The following AGXT variants were observed in gnomAD, a reference collection of about 807,000 sequenced individuals.
AGXT encodes alanine--glyoxylate aminotransferase.
A neutral mutation model predicts 46.9 loss-of-function variants in AGXT; 41 were observed. The ratio of observed to expected loss-of-function variants is 0.88; its 90% CI spans 0.68 to 1.14. The LOEUF (loss-of-function observed/expected upper bound fraction) is 1.14, where lower values mean the gene tolerates loss of function less well. Ranked by LOEUF, AGXT falls within the 50% of genes most tolerant of loss-of-function variation. The probability of loss-of-function intolerance (pLI) is 0.00; values close to 1 mark genes in which losing one functional copy is unlikely to be tolerated. For synonymous variants in AGXT, 244 were observed against 227.9 expected, an observed-to-expected ratio of 1.07 and a Z score of -0.64; for missense variants, 525 against 522.7, an observed-to-expected ratio of 1.00 and a Z score of -0.04.
In AGXT at chr2:240,871,458, G is replaced by T. The variant is rs2106428669; in HGVS notation, c.524+9G>T. The T allele has an allele frequency of 6.4e-7, 1 of 1,569,436 alleles. No homozygotes were observed. The highest frequency in any genetic ancestry group is 1.7e-4 in the Middle Eastern group (1 of 5,932). On this transcript the variant is annotated intron_variant, in intron 4 of 10. Transcript: ENST00000307503. ...GGGGAACTCTGCCACAGGTGAGCCT[G>T]GCCCCAGGGCGGTGGACTGGAGCAC...
At position 240,879,940 on chromosome 2, in the gene AGXT, C is replaced by T. The variant is rs977661321; in HGVS notation, c.*1119C>T. The T allele has an allele frequency of 1.3e-5, 2 of 151,530 alleles. No homozygotes were observed. The highest frequency in any genetic ancestry group is 4.9e-5 in the African/African-American group (2 of 40,998). 9.4% of individuals were successfully genotyped at this position (151,530 alleles called of 1,614,324 possible). ...GTGTCTTTGTTGCTGAGTGCCGTCC[C>T]GTCATATGGACGTGCGTCGTGGGCG... On this transcript the variant is annotated 3_prime_UTR_variant, in exon 11 of 11. Coordinates refer to ENST00000307503, the MANE Select transcript of AGXT (RefSeq NM_000030.3).
Position 240,877,537 on chromosome 2 carries a change from G to A in AGXT, c.847G>A (p.Gly283Ser). Residue 283 changes from glycine (G) to serine (S), a missense_variant and splice_region_variant, in exon 9 of 11, where the codon GGC (glycine) becomes AGC (serine). By Grantham distance (56) the Gly-to-Ser change is moderately conservative. Transcript: ENST00000307503. ...CCCACCAGCGCCATCTCCCACACAG[G>A]GCCTGGAGAACAGCTGGCGCCAGCA... ...RESLALIAEQ[G>S]LENSWRQHRE... 6.5e-7 allele frequency: 1 copy of A among 1,548,166 alleles called. No homozygotes were observed. Among genetic ancestry groups the A allele is most frequent in the South Asian group, 1.2e-5 (1 of 83,706 alleles).
At chr2:240,869,492 G>A (rs1575707599) in intron 2 of AGXT, 130 bp downstream of exon 2, 5 of 1,125,386 alleles carry the variant, frequency 4.4e-6, no homozygotes, top group Non-Finnish European at 3.7e-6. Flanking sequence ...CTGTGCGCAC[G>A]AACCTCCTGC....
At chr2:240,873,581 A>G in intron 5 of AGXT, 1 of 296,604 alleles carries the variant, frequency 3.4e-6, no homozygotes, top group Non-Finnish European at 6.4e-6. Context: ...CTGCCCACCC[A>G]CTCCATGGGA....
intron 10 of AGXT, 77 bp from the exon 11 acceptor site, chr2:240,878,637 G>C: frequency 7.1e-7 from 1 of 1,400,596 alleles, no homozygotes; most frequent in South Asian, 1.2e-5. Flanking sequence ...AGCCCATCCT[G>C]GCTCTGGCCA....
rs34962475 is a variant in AGXT, at chr2:240,879,959, G to A, written c.*1138G>A. On this transcript the variant is annotated 3_prime_UTR_variant, in exon 11 of 11. Coordinates refer to ENST00000307503, the MANE Select transcript of AGXT (RefSeq NM_000030.3). ...CCGTCCCGTCATATGGACGTGCGTC[G>A]TGGGCGCCGGTGTGTCTTGTTGCTG... 0.15 allele frequency: 22,153 copies of A among 152,052 alleles called. 2,005 individuals carry two copies. The highest frequency in any genetic ancestry group is 0.2 in the Non-Finnish European group (13,761 of 67,964). 9.4% of individuals were successfully genotyped at this position (152,052 alleles called of 1,614,324 possible).
At chr2:240,876,303 G>A (rs1193929163) in intron 8 of AGXT, among the ~76,000 whole-genome samples, 1 of 152,198 alleles carries the variant, frequency 6.6e-6, no homozygotes, top group Non-Finnish European at 1.5e-5. Flanking sequence ...TGGGAGAAGG[G>A]GAGGCCGAAG....
rs1245184059 is a variant in AGXT at position 240,878,928 on chromosome 2, A to G, written c.*107A>G. On this transcript the variant is annotated 3_prime_UTR_variant, in exon 11 of 11. Coordinates refer to ENST00000307503, the MANE Select transcript of AGXT (RefSeq NM_000030.3). Reference sequence around the variant, plus strand: ...AAGGTCCTCCAGGCCTGGGGACAGGAAAGCCACTGACCCAGCCCGGGAGGC... The same window carrying G: ...AAGGTCCTCCAGGCCTGGGGACAGGGAAGCCACTGACCCAGCCCGGGAGGC... 35 of 1,203,156 alleles carry G rather than the reference A, an allele frequency of 2.9e-5. No homozygotes were observed. Among genetic ancestry groups the G allele is most frequent in the Non-Finnish European group, 4.2e-5 (35 of 842,924 alleles). 74.5% of individuals were successfully genotyped at this position (1,203,156 alleles called of 1,614,324 possible).
rs180177246 is a variant in AGXT, at chr2:240,873,985, C to A, written c.603C>A (p.Asp201Glu). 11 of 1,613,548 alleles carry A rather than the reference C, an allele frequency of 6.8e-6. No homozygotes were observed. The highest frequency in any genetic ancestry group is 1.6e-4 in the Middle Eastern group (1 of 6,084). ...CAAACCACCCATCTACAGGCATCGA[C>A]ATCCTGTACTCGGGCTCCCAGAAGG... Reference protein sequence around the residue: ...TPLYMDRQGIDILYSGSQKAL... With the variant: ...TPLYMDRQGIEILYSGSQKAL... Residue 201 changes from aspartate (D) to glutamate (E), a missense_variant, in exon 6 of 11, where the codon GAC becomes GAA. Transcript: ENST00000307503.
chr2:240,869,399 C>T, intron 2 of AGXT, 37 bp downstream of exon 2: 1 of 1,523,474 alleles, frequency 6.6e-7, no homozygotes, highest in Non-Finnish European at 8.8e-7. Flanking sequence ...GCCCTGGATC[C>T]ATCCTTCAAG....
At chr2:240,878,666 G>A in intron 10 of AGXT, 48 bp from the exon 11 acceptor site, 1 of 1,518,140 alleles carries the variant, frequency 6.6e-7, no homozygotes, top group Non-Finnish European at 8.9e-7. Flanking sequence ...TCAGGGTCAG[G>A]CAGGTCCCAG....
chr2:240,873,851 C>A, intron 5 of AGXT, 127 bp from the exon 6 acceptor site: 1 of 861,432 alleles, frequency 1.2e-6, no homozygotes, highest in East Asian at 2.4e-5. Context: ...CCACATCTCC[C>A]CTGCTATCGT....
chr2:240,872,631 C>G (rs531587532), intron 4 of AGXT, among the ~76,000 whole-genome samples: 1 of 152,216 alleles, frequency 6.6e-6, no homozygotes, highest in South Asian at 2.1e-4. Context: ...CTGGGGTCCA[C>G]ACAGGCCCTC....
rs1020687663 is a variant in AGXT, at chr2:240,879,224, G to T, written c.*403G>T. ...CACTCCTCATCCTGGAGCCCACAGG[G>T]TAGATCCTCCCCTGGAGGAGGTGCT... On this transcript the variant is annotated 3_prime_UTR_variant, in exon 11 of 11. Transcript: ENST00000307503. 3.4e-6 allele frequency: 1 copy of T among 297,740 alleles called. No individual in the cohort carries two copies. Among genetic ancestry groups the T allele is most frequent in the Non-Finnish European group, 6.5e-6 (1 of 154,322 alleles). The allele number at this position is 297,740 out of a possible 1,614,324, so 18.4% of individuals were successfully genotyped here.
In AGXT at chr2:240,878,758, T is replaced by C. The variant is rs2106432416; in HGVS notation, c.1116T>C (p.Asn372=). The stretch of plus-strand genomic sequence containing the variant: ...TGGGCTGCAATGCCACCCGCGAGAA[T>C]GTGGACCGCGTGACGGAGGCCCTGA... The part of the protein sequence containing the change: ...GLLGCNATRE[N]VDRVTEALRA... Residue 372 remains asparagine, a synonymous_variant, in exon 11 of 11, where the codon AAT becomes AAC. Transcript: ENST00000307503. 2 of 1,590,488 alleles carry C rather than the reference T, an allele frequency of 1.3e-6. No homozygotes were observed. The highest frequency in any genetic ancestry group is 1.7e-6 in the Non-Finnish European group (2 of 1,172,178).
Position 240,869,032 on chromosome 2 carries a change from TAGG to T in AGXT, c.165+5_165+7del, listed in dbSNP as rs1443447751. 1 of 1,354,898 alleles carries T rather than the reference TAGG, an allele frequency of 7.4e-7. No homozygotes were observed. The highest frequency in any genetic ancestry group is 1.0e-6 in the Non-Finnish European group (1 of 999,122). The allele number at this position is 1,354,898 out of a possible 1,614,324, so 83.9% of individuals were successfully genotyped here. On this transcript the variant is annotated splice_donor_5th_base_variant and intron_variant, in intron 1 of 10. Coordinates refer to ENST00000307503, the MANE Select transcript of AGXT (RefSeq NM_000030.3). ...TCCATGAGCAAGGATATGTACCAGG[TAGG>T]AGTGGGGGTCACTCGGGGGGCCTGG...
chr2:240,875,917 C>G lies in AGXT; in HGVS notation c.777-18C>G. 1.9e-6 allele frequency: 3 copies of G among 1,614,056 alleles called. No individual in the cohort carries two copies. Among genetic ancestry groups the G allele is most frequent in the Non-Finnish European group, 2.5e-6 (3 of 1,179,888 alleles). On this transcript the variant is annotated intron_variant, in intron 7 of 10. Transcript: ENST00000307503. ...ACCCTGCCCATGGTGCTGGACCAAG[C>G]CCCCTCGTGTCTTCCAGGTACCATC... is the stretch of plus-strand genomic sequence containing the variant.
At chr2:240,870,427 T>C (rs1004459867) in intron 2 of AGXT, among the ~76,000 whole-genome samples, 4 of 152,102 alleles carry the variant, frequency 2.6e-5, no homozygotes, top group African/African-American at 4.8e-5. Flanking sequence ...CCAGGAGCGT[T>C]GGCTCCAACA....
At chr2:240,876,190 G>T (rs1412193050) in intron 8 of AGXT, among the ~76,000 whole-genome samples, 186 bp downstream of exon 8, 1 of 152,190 alleles carries the variant, frequency 6.6e-6, no homozygotes, top group African/African-American at 2.4e-5. Flanking sequence ...GGGCCAGGGG[G>T]ATACAGCCCC....
Sources: gnomAD v4.1 joint callset for allele counts (sites outside exome capture counted in the v4.1 genomes callset) on GRCh38, gnomAD v4.1.1 for gene constraint, MANE v1.5 for transcripts, NCBI Gene and HGNC (gene_info 2026-07-23, HGNC 2026-07-21) for gene names.